The following RPS6KC1 variants were observed in gnomAD, a reference collection of about 807,000 sequenced individuals.
The protein encoded by RPS6KC1 is inactive ribosomal protein S6 kinase delta-1.
RPS6KC1 carries 54 observed loss-of-function variants against 103.8 expected under a neutral mutation model. That is an observed-to-expected ratio of 0.52 (90% confidence interval 0.42 to 0.65). RPS6KC1 has a LOEUF of 0.65. Ranked by LOEUF, RPS6KC1 falls within the 30% of genes least tolerant of loss-of-function variation. The pLI is 0.00. For missense variants in RPS6KC1, 1,151 were observed against 1,253.8 expected (o/e 0.92, Z 1.24); for synonymous variants, 439 against 438.7 (o/e 1.00, Z -0.01).
At chr1:213,764,353 CCTTT>C in the RPS6KC1 span, among the ~76,000 whole-genome samples, 4 of 152,174 alleles carry the variant, frequency 2.6e-5, no homozygotes, top group African/African-American at 9.7e-5. Context: ...CCTCTGCTGT[CCTTT>C]CTTCTCCTGC....
chr1:213,197,189 T>G (rs544528479), intron 8 of RPS6KC1, among the ~76,000 whole-genome samples: 11 of 152,336 alleles, frequency 7.2e-5, no homozygotes, highest in African/African-American at 2.6e-4. Context: ...ACTATAGCCT[T>G]GTAGTACAGT....
the RPS6KC1 span, among the ~76,000 whole-genome samples, chr1:213,807,724 A>G: frequency 6.6e-6 from 1 of 152,062 alleles, no homozygotes; most frequent in Non-Finnish European, 1.5e-5. Context: ...TTTGGTTTGA[A>G]TTTCCTCCTG....
At chr1:213,752,706 A>G in the RPS6KC1 span, among the ~76,000 whole-genome samples, 3 of 152,328 alleles carry the variant, frequency 2.0e-5, no homozygotes, top group Admixed American at 6.5e-5. Context: ...CATATAGTGT[A>G]CCTTCCTGCT....
chr1:213,623,436 C>T, the RPS6KC1 span, among the ~76,000 whole-genome samples: 3 of 152,178 alleles, frequency 2.0e-5, no homozygotes, highest in East Asian at 5.8e-4. Flanking sequence ...ACCCTGCCCT[C>T]GAGGGATGCC....
intron 8 of RPS6KC1, among the ~76,000 whole-genome samples, chr1:213,226,154 C>G (rs141109865): frequency 3.1e-3 from 468 of 149,030 alleles, no homozygotes; most frequent in African/African-American, 0.011. Flanking sequence ...ACCCGGGAGG[C>G]AGAGCTTGAA....
chr1:213,688,877 G>A, the RPS6KC1 span, among the ~76,000 whole-genome samples: 1 of 152,184 alleles, frequency 6.6e-6, no homozygotes, highest in Admixed American at 6.5e-5. Flanking sequence ...TTCCCAGTCT[G>A]TTAGTAGGAA....
the RPS6KC1 span, among the ~76,000 whole-genome samples, chr1:213,620,300 TG>T: frequency 6.6e-6 from 1 of 152,254 alleles, no homozygotes; most frequent in South Asian, 2.1e-4. Context: ...AGCTGGTAGA[TG>T]GGCTGGTTTC....
At chr1:213,143,121 A>G (rs1413107224) in intron 6 of RPS6KC1, among the ~76,000 whole-genome samples, 1 of 152,098 alleles carries the variant, frequency 6.6e-6, no homozygotes, top group African/African-American at 2.4e-5. Flanking sequence ...TATATTTATC[A>G]TCCTTAACAT....
chr1:213,183,229 C>G (rs935546014), intron 8 of RPS6KC1, among the ~76,000 whole-genome samples: 4 of 152,070 alleles, frequency 2.6e-5, no homozygotes, highest in Non-Finnish European at 5.9e-5. Flanking sequence ...GTGGAGACTT[C>G]AACTGTCTCA....
At chr1:213,103,329 T>G (rs1255709084) in intron 3 of RPS6KC1, among the ~76,000 whole-genome samples, 1 of 152,244 alleles carries the variant, frequency 6.6e-6, no homozygotes, top group African/African-American at 2.4e-5. Context: ...TTAGTCAGTA[T>G]GATAGAACTT....
chr1:213,230,892 A>G (rs2094086959), intron 9 of RPS6KC1, among the ~76,000 whole-genome samples: 1 of 151,942 alleles, frequency 6.6e-6, no homozygotes, highest in Non-Finnish European at 1.5e-5. Context: ...TGAATTTAAA[A>G]TTTGAATTTC....
At chr1:213,803,469 A>T in the RPS6KC1 span, among the ~76,000 whole-genome samples, 1 of 151,512 alleles carries the variant, frequency 6.6e-6, no homozygotes, top group African/African-American at 2.4e-5. Context: ...CTGGTTTCAA[A>T]CTCCCGATCC....
At position 213,117,335 on chromosome 1, in the gene RPS6KC1, A is replaced by G; in HGVS notation, c.397A>G (p.Ser133Gly). ...DFFKGGIIND[S>G]SELIGPAEAH... ...TCTTTAGGGTGGAATAATTAATGAT[A>G]GTTCTGAATTAATTGGTCCTGCTGA... The change falls in exon 5 of 15, where the codon AGT becomes GGT. Residue 133 changes from serine to glycine, a missense_variant. Around this residue, in one of 3 missense-constraint regions of RPS6KC1, gnomAD observed 959 missense variants for 1,006.3 expected, o/e 0.95. Coordinates refer to ENST00000366960, the MANE Select transcript of RPS6KC1 (RefSeq NM_012424.6). 6.2e-7 allele frequency: 1 copy of G among 1,600,888 alleles called. No homozygotes were observed. Among genetic ancestry groups the G allele is most frequent in the Non-Finnish European group, 8.6e-7 (1 of 1,168,620 alleles).
the RPS6KC1 span, among the ~76,000 whole-genome samples, chr1:213,631,402 C>T: frequency 1.4e-5 from 2 of 142,412 alleles, no homozygotes; most frequent in South Asian, 4.4e-4. Context: ...AATAGATTTA[C>T]TCTATTCCTC....
At chr1:213,243,097 G>A (rs1330244787) in intron 12 of RPS6KC1, among the ~76,000 whole-genome samples, 1 of 151,848 alleles carries the variant, frequency 6.6e-6, no homozygotes, top group Non-Finnish European at 1.5e-5. Flanking sequence ...CCTGGGCTCA[G>A]GCAGTCCTGT....
the RPS6KC1 span, among the ~76,000 whole-genome samples, chr1:213,585,396 C>T: frequency 6.6e-6 from 1 of 152,208 alleles, no homozygotes; most frequent in Admixed American, 6.5e-5. Context: ...CCACACCCTC[C>T]TCCCCTGCTC....
the RPS6KC1 span, among the ~76,000 whole-genome samples, chr1:213,464,954 T>G: frequency 6.6e-6 from 1 of 152,088 alleles, no homozygotes; most frequent in Non-Finnish European, 1.5e-5. Context: ...GAGTCCTTCT[T>G]TAGGCATTGC....
chr1:213,823,726 C>CCA, the RPS6KC1 span, among the ~76,000 whole-genome samples: 6,531 of 146,268 alleles, frequency 0.045, 213 homozygotes, highest in African/African-American at 0.096. Flanking sequence ...GCTATCACAG[C>CCA]CACACACACA....
the RPS6KC1 span, among the ~76,000 whole-genome samples, chr1:213,583,662 A>G: frequency 2.7e-4 from 41 of 151,926 alleles, no homozygotes; most frequent in African/African-American, 9.7e-4. Context: ...CTATTTGAAA[A>G]ATACAAAACT....
Sources: allele counts gnomAD v4.1 joint callset (sites outside exome capture counted in the v4.1 genomes callset), GRCh38; gene constraint gnomAD v4.1.1; regional missense constraint gnomAD v4.1.1; transcripts MANE v1.5; gene names NCBI Gene and HGNC (gene_info 2026-07-23, HGNC 2026-07-21).